CDYL: variants seen among roughly 807,000 people sequenced by gnomAD.
CDYL encodes the protein chromodomain Y-like protein.
In CDYL, 8 loss-of-function variants were observed where a neutral mutation model predicts 47.3. That is an observed-to-expected ratio of 0.17 (90% CI 0.10 to 0.31). The LOEUF (loss-of-function observed/expected upper bound fraction) is 0.31. CDYL is among the 10% of genes least tolerant of loss of function. The pLI, the probability that CDYL is intolerant of heterozygous loss-of-function variation, is 1.00. For missense variants in CDYL, 471 were observed against 701.4 expected (o/e 0.67, Z 3.71); for synonymous variants, 266 against 265.0 (o/e 1.00, Z -0.04).
At chr6:4,870,558 A>C (rs1761443494) in intron 1 of CDYL, among the ~76,000 whole-genome samples, 1 of 152,124 alleles carries the variant, frequency 6.6e-6, no homozygotes, top group Non-Finnish European at 1.5e-5. Flanking sequence ...TTTTATTTGG[A>C]ATATTTTTAG....
chr6:4,922,732 A>G (rs955434090), intron 2 of CDYL, among the ~76,000 whole-genome samples: 2 of 152,200 alleles, frequency 1.3e-5, no homozygotes, highest in South Asian at 2.1e-4. Flanking sequence ...TGCTGCTGCA[A>G]TCTCAGTGTT....
intron 1 of CDYL, among the ~76,000 whole-genome samples, chr6:4,861,251 G>A (rs1190332959): frequency 6.6e-6 from 1 of 152,256 alleles, no homozygotes; most frequent in Non-Finnish European, 1.5e-5. Context: ...TCTGGGGTGT[G>A]CACCCAGGCC....
chr6:4,745,513 G>A (rs1276038698), intron 3 of CDYL, among the ~76,000 whole-genome samples: 1 of 151,924 alleles, frequency 6.6e-6, no homozygotes, highest in Non-Finnish European at 1.5e-5. Flanking sequence ...GAGGTGGGCA[G>A]AAAAGATCAC....
At chr6:4,770,736 T>C (rs1441798413) in intron 3 of CDYL, among the ~76,000 whole-genome samples, 1 of 152,190 alleles carries the variant, frequency 6.6e-6, no homozygotes, top group African/African-American at 2.4e-5. Flanking sequence ...AACACTTCTG[T>C]AGTAGTTATG....
Position 4,886,599 on chromosome 6 carries a change from T to C in CDYL, c.25-5114T>C, listed in dbSNP as rs115028946. On this transcript the variant is annotated intron_variant, in intron 1 of 6. Transcript: ENST00000397588. ...TTTTTATTATTGAACTGTAAGACTTTATATGTTTGATATAAGTCCCTTATC... is the reference window on the plus strand; with the variant it reads ...TTTTTATTATTGAACTGTAAGACTTCATATGTTTGATATAAGTCCCTTATC... Among the ~76,000 whole-genome samples, 842 of 152,328 alleles carry C rather than the reference T, an allele frequency of 5.5e-3. 5 individuals carry two copies. The highest frequency in any genetic ancestry group is 9.3e-3 in the Non-Finnish European group (636 of 68,026).
chr6:4,806,155 G>A (rs73362564), intron 1 of CDYL, among the ~76,000 whole-genome samples: 3,267 of 152,256 alleles, frequency 0.021, 72 homozygotes, highest in East Asian at 0.085. Flanking sequence ...CAGCAGGAGG[G>A]GCCCTGCATG....
chr6:4,908,434 T>C lies in CDYL; in HGVS notation c.691+16055T>C, dbSNP rs116502317. Among the ~76,000 whole-genome samples the C allele has an allele frequency of 7.0e-3, 1,061 of 152,282 alleles. 14 individuals carry two copies. The highest frequency in any genetic ancestry group is 0.024 in the African/African-American group (1,012 of 41,546). On this transcript the variant is annotated intron_variant, in intron 2 of 6. Transcript: ENST00000397588. The stretch of plus-strand genomic sequence containing the variant: ...GATCTGGGCTGAAGCTGGAGGTTTG[T>C]TTTAGAAATTTGCTTAAGGAAGTAT...
At chr6:4,722,824 C>T (rs961772674) in intron 2 of CDYL, among the ~76,000 whole-genome samples, 1 of 152,146 alleles carries the variant, frequency 6.6e-6, no homozygotes, top group Non-Finnish European at 1.5e-5. Context: ...TTGCAATGAG[C>T]CAAGATCGTG....
Position 4,776,692 on chromosome 6 carries a change from C to T in CDYL, c.-92C>T. 1 of 1,179,108 alleles carries T rather than the reference C, an allele frequency of 8.5e-7. No homozygotes were observed. The highest frequency in any genetic ancestry group is 1.1e-6 in the Non-Finnish European group (1 of 908,670). The allele number at this position is 1,179,108 out of a possible 1,614,324, so 73.0% of individuals were successfully genotyped here. A position where few individuals can be genotyped will look rare whatever the true frequency, so the allele number is the denominator to read the frequency against. ...GGCCGCGGGAGCAGGAAGCGCAGGC[C>T]ACGCAGGACCCAACTGAAACAAAGT... On this transcript the variant is annotated 5_prime_UTR_variant, in exon 1 of 7. Coordinates refer to ENST00000397588, the MANE Select transcript of CDYL (RefSeq NM_004824.4).
At chr6:4,902,433 C>T (rs950672317) in intron 2 of CDYL, among the ~76,000 whole-genome samples, 5 of 150,858 alleles carry the variant, frequency 3.3e-5, no homozygotes, top group Non-Finnish European at 3.0e-5. Flanking sequence ...ACAGTAGGTA[C>T]TGAGCAAGCC....
intron 1 of CDYL, among the ~76,000 whole-genome samples, chr6:4,835,559 C>G (rs1760275692): frequency 1.3e-5 from 2 of 152,244 alleles, no homozygotes; most frequent in South Asian, 4.1e-4. Flanking sequence ...TGCCAGTTCT[C>G]AGATCTCCAG....
At chr6:4,925,322 A>G (rs1018944226) in intron 2 of CDYL, among the ~76,000 whole-genome samples, 3 of 151,888 alleles carry the variant, frequency 2.0e-5, no homozygotes, top group Non-Finnish European at 4.4e-5. Context: ...GAATGAGCAC[A>G]TTTAGTGAAC....
intron 3 of CDYL, among the ~76,000 whole-genome samples, chr6:4,765,345 A>G (rs2127424152): frequency 6.6e-6 from 1 of 152,244 alleles, no homozygotes; most frequent in African/African-American, 2.4e-5. Context: ...ACAAATAAAA[A>G]TAACTAGAAA....
At chr6:4,766,213 TG>T (rs1213728212) in intron 3 of CDYL, among the ~76,000 whole-genome samples, 1 of 152,152 alleles carries the variant, frequency 6.6e-6, no homozygotes. Context: ...TTTGTTTGTT[TG>T]TTTTTTCCTT....
At chr6:4,818,754 G>A (rs576662850) in intron 1 of CDYL, among the ~76,000 whole-genome samples, 1 of 152,332 alleles carries the variant, frequency 6.6e-6, no homozygotes, top group East Asian at 1.9e-4. Flanking sequence ...TGGGTAAGGT[G>A]TGAAAGCTGA....
At chr6:4,892,514 C>A in intron 2 of CDYL, 135 bp downstream of exon 2, 1 of 877,542 alleles carries the variant, frequency 1.1e-6, no homozygotes, top group Non-Finnish European at 1.7e-6. Flanking sequence ...GAGATTTCGC[C>A]TTCTCCTTTC....
intron 5 of CDYL, among the ~76,000 whole-genome samples, chr6:4,948,135 C>T (rs1255948576): frequency 2.6e-5 from 4 of 152,172 alleles, no homozygotes; most frequent in African/African-American, 9.7e-5. Context: ...GAATCCTCAT[C>T]CTCTGGAACA....
intron 2 of CDYL, among the ~76,000 whole-genome samples, chr6:4,723,277 C>T (rs1757407768): frequency 6.6e-6 from 1 of 151,982 alleles, no homozygotes; most frequent in Admixed American, 6.6e-5. Flanking sequence ...TTGACTATGC[C>T]ATTATATCAG....
chr6:4,729,455 A>G (rs1301630354), intron 2 of CDYL, among the ~76,000 whole-genome samples: 1 of 151,868 alleles, frequency 6.6e-6, no homozygotes, highest in Non-Finnish European at 1.5e-5. Context: ...GCCCAGACCA[A>G]CTGGGATTAC....
Sources: allele counts gnomAD v4.1 joint callset (sites outside exome capture counted in the v4.1 genomes callset), GRCh38; gene constraint gnomAD v4.1.1; transcripts MANE v1.5; gene names NCBI Gene and HGNC (gene_info 2026-07-23, HGNC 2026-07-21).